CSGALNACT1: variants seen among roughly 807,000 people sequenced by gnomAD.
CSGALNACT1 encodes the protein chondroitin sulfate N-acetylgalactosaminyltransferase 1, also known as beta4GalNAcT-1.
CSGALNACT1 carries 52 observed loss-of-function variants against 51.0 expected under a neutral mutation model. The observed-to-expected ratio is 1.02, with a 90% CI of 0.82 to 1.29. The LOEUF is 1.29. CSGALNACT1 is among the 50% of genes most tolerant of loss of function. CSGALNACT1 has a pLI of 0.00. For synonymous variants in CSGALNACT1, 341 were observed against 254.4 expected, an observed-to-expected ratio of 1.34 and a Z score of -3.24; for missense variants, 935 against 679.2, an observed-to-expected ratio of 1.38 and a Z score of -4.19.
At chr8:19,545,865 ATATAT>A (rs1440846064) in intron 3 of CSGALNACT1, among the ~76,000 whole-genome samples, 4 of 148,424 alleles carry the variant, frequency 2.7e-5, no homozygotes, top group Admixed American at 6.8e-5. Flanking sequence ...ACTATATATT[ATATAT>A]AAGTTATATG....
intron 1 of CSGALNACT1, among the ~76,000 whole-genome samples, chr8:19,609,416 T>A (rs1264473203): frequency 6.6e-6 from 1 of 150,820 alleles, no homozygotes; most frequent in Admixed American, 6.6e-5. Context: ...TAAATATTTT[T>A]AAATCATTTC....
chr8:19,558,434 G>T (rs1178387541), intron 3 of CSGALNACT1, among the ~76,000 whole-genome samples: 1 of 152,086 alleles, frequency 6.6e-6, no homozygotes, highest in Non-Finnish European at 1.5e-5. Flanking sequence ...GGATTTAAGG[G>T]TCCCTATAGT....
At chr8:19,444,965 A>T (rs182289985) in intron 5 of CSGALNACT1, among the ~76,000 whole-genome samples, 12 of 152,334 alleles carry the variant, frequency 7.9e-5, no homozygotes, top group Non-Finnish European at 1.8e-4. Flanking sequence ...GGCAAGACGC[A>T]TGCAGGGCTC....
intron 4 of CSGALNACT1, among the ~76,000 whole-genome samples, chr8:19,493,216 C>T (rs1482266450): frequency 6.6e-6 from 1 of 152,216 alleles, no homozygotes; most frequent in Non-Finnish European, 1.5e-5. Context: ...TTCACAGCAA[C>T]AGCTTCCACT....
chr8:19,518,312 T>C (rs1004601325), intron 3 of CSGALNACT1, among the ~76,000 whole-genome samples: 1 of 152,124 alleles, frequency 6.6e-6, no homozygotes, highest in African/African-American at 2.4e-5. Context: ...CATGGATGAT[T>C]AACAGCAGGA....
exon 9 of CSGALNACT1, chr8:19,408,645 G>A (rs147060228): frequency 1.2e-5 from 19 of 1,613,804 alleles, no homozygotes; most frequent in Middle Eastern, 1.6e-4. Flanking sequence ...ATACTGACAC[G>A]TCATCCCAAA....
intron 1 of CSGALNACT1, among the ~76,000 whole-genome samples, chr8:19,709,158 C>T (rs930900413): frequency 8.5e-5 from 13 of 152,100 alleles, no homozygotes; most frequent in South Asian, 2.1e-4. Flanking sequence ...GCCTGTGTTC[C>T]GATTACATAC....
chr8:19,534,140 T>C (rs970419082), intron 3 of CSGALNACT1, among the ~76,000 whole-genome samples: 7 of 152,170 alleles, frequency 4.6e-5, no homozygotes, highest in East Asian at 1.9e-4. Context: ...AGCAAGTTCA[T>C]AGTTCAATGT....
At chr8:19,725,948 A>C (rs192108145) in intron 1 of CSGALNACT1, among the ~76,000 whole-genome samples, 1 of 152,152 alleles carries the variant, frequency 6.6e-6, no homozygotes, top group African/African-American at 2.4e-5. Context: ...GGTATTGTAC[A>C]TTCTATGGGT....
At chr8:19,506,643 T>C (rs949501934) in intron 3 of CSGALNACT1, among the ~76,000 whole-genome samples, 1 of 152,170 alleles carries the variant, frequency 6.6e-6, no homozygotes, top group Non-Finnish European at 1.5e-5. Flanking sequence ...CCCTCAGGCA[T>C]AGCTTAGTGC....
At chr8:19,532,731 A>G (rs1448570900) in intron 3 of CSGALNACT1, among the ~76,000 whole-genome samples, 1 of 152,188 alleles carries the variant, frequency 6.6e-6, no homozygotes, top group Non-Finnish European at 1.5e-5. Context: ...GCTCTTCCTC[A>G]TCACAGATAC....
intron 1 of CSGALNACT1, among the ~76,000 whole-genome samples, chr8:19,614,449 C>A (rs760625176): frequency 6.6e-6 from 1 of 152,036 alleles, no homozygotes; most frequent in African/African-American, 2.4e-5. Flanking sequence ...TGGGGATGTT[C>A]AGTTTTCTAG....
intron 3 of CSGALNACT1, among the ~76,000 whole-genome samples, chr8:19,548,040 A>G (rs1461594576): frequency 6.6e-6 from 1 of 152,204 alleles, no homozygotes; most frequent in African/African-American, 2.4e-5. Context: ...TAACTCTGTG[A>G]GGTTGAAAGT....
chr8:19,604,006 G>A (rs2050982870), upstream of CSGALNACT1, among the ~76,000 whole-genome samples: 1 of 152,180 alleles, frequency 6.6e-6, no homozygotes, highest in Non-Finnish European at 1.5e-5. Context: ...CAGGTTCGGA[G>A]CCACGGCATG....
upstream of CSGALNACT1, among the ~76,000 whole-genome samples, chr8:19,683,973 A>T (rs979539871): frequency 1.3e-5 from 2 of 152,048 alleles, no homozygotes; most frequent in African/African-American, 2.4e-5. Context: ...CAAAACCAAC[A>T]TCCCCAACAT....
intron 4 of CSGALNACT1, among the ~76,000 whole-genome samples, chr8:19,480,040 C>T (rs118070772): frequency 0.018 from 2,683 of 152,276 alleles, 34 homozygotes; most frequent in Non-Finnish European, 0.029. Context: ...TTACAAATAA[C>T]TACAACAATG....
intron 1 of CSGALNACT1, among the ~76,000 whole-genome samples, chr8:19,659,739 C>G (rs903428639): frequency 1.3e-5 from 2 of 152,180 alleles, no homozygotes; most frequent in Non-Finnish European, 2.9e-5. Flanking sequence ...CCAGCTTTTC[C>G]TGTTGTTGCT....
chr8:19,637,259 T>C (rs2056196321), intron 1 of CSGALNACT1, among the ~76,000 whole-genome samples: 1 of 152,188 alleles, frequency 6.6e-6, no homozygotes, highest in Admixed American at 6.5e-5. Context: ...TTCAAGAGAC[T>C]TTCCCTTTTC....
chr8:19,646,739 T>C lies in CSGALNACT1; in HGVS notation c.-544+35734A>G, dbSNP rs2057313656. Among the ~76,000 whole-genome samples the C allele has an allele frequency of 2.0e-5, 3 of 151,980 alleles. No individual in the cohort carries two copies. The South Asian group carries it at 6.2e-4, about 32-fold the overall frequency. ...TATAAAAGGGGTCTATAAATATCCA[T>C]CTCCTATTACAGTTAACAATTGACA... On this transcript the variant is annotated intron_variant, in intron 1 of 9. Coordinates refer to the CSGALNACT1 transcript ENST00000332246.
Sources: allele counts gnomAD v4.1 joint callset (sites outside exome capture counted in the v4.1 genomes callset), GRCh38; gene constraint gnomAD v4.1.1; transcripts MANE v1.5; gene names NCBI Gene and HGNC (gene_info 2026-07-23, HGNC 2026-07-21).